SMC6: variants seen among roughly 807,000 people sequenced by gnomAD.
The protein encoded by SMC6 is structural maintenance of chromosomes 6, also known as structural maintenance of chromosomes protein 6.
A neutral mutation model predicts 142.2 loss-of-function variants in SMC6; 79 were observed. That is an observed-to-expected ratio of 0.56 (90% confidence interval 0.46 to 0.67). The LOEUF (loss-of-function observed/expected upper bound fraction) is 0.67. Ranked by LOEUF, SMC6 falls within the 30% of genes least tolerant of loss-of-function variation. The probability of loss-of-function intolerance (pLI) is 0.00; values close to 1 mark genes in which losing one functional copy is unlikely to be tolerated. For synonymous variants in SMC6, 411 were observed against 412.4 expected (o/e 1.00, Z 0.04); for missense variants, 1,072 against 1,284.0 (o/e 0.83, Z 2.52).
At chr2:17,671,542 G>C (rs1381426032) in intron 25 of SMC6, among the ~76,000 whole-genome samples, 2 of 140,644 alleles carry the variant, frequency 1.4e-5, no homozygotes, top group African/African-American at 5.3e-5. Flanking sequence ...CTGGGAGACA[G>C]AGGTTGCAGT....
intron 18 of SMC6, among the ~76,000 whole-genome samples, chr2:17,704,332 G>A (rs1668404413): frequency 6.6e-6 from 1 of 152,190 alleles, no homozygotes; most frequent in South Asian, 2.1e-4. Flanking sequence ...ACTTCTGTTG[G>A]TGAATAAACG....
At chr2:17,675,778 G>T (rs1170602642) in intron 25 of SMC6, among the ~76,000 whole-genome samples, 1 of 151,892 alleles carries the variant, frequency 6.6e-6, no homozygotes, top group African/African-American at 2.4e-5. Flanking sequence ...CTTACAAAAA[G>T]GTAAGGTTAC....
At chr2:17,682,895 T>A (rs931211203) in intron 24 of SMC6, among the ~76,000 whole-genome samples, 1 of 146,474 alleles carries the variant, frequency 6.8e-6, no homozygotes, top group Non-Finnish European at 1.5e-5. Context: ...TTTTTTTTTT[T>A]AATTTGTACA....
chr2:17,684,232 G>C (rs1471343616), intron 23 of SMC6, among the ~76,000 whole-genome samples: 1 of 152,162 alleles, frequency 6.6e-6, no homozygotes, highest in Non-Finnish European at 1.5e-5. Flanking sequence ...GCTACTCAGA[G>C]TGCTATTACA....
intron 7 of SMC6, among the ~76,000 whole-genome samples, chr2:17,727,721 A>G (rs73921058): frequency 0.013 from 1,908 of 152,298 alleles, 21 homozygotes; most frequent in East Asian, 0.031. Flanking sequence ...AATCTTCATA[A>G]GGTTATTGTA....
intron 25 of SMC6, among the ~76,000 whole-genome samples, chr2:17,673,447 T>C (rs1347771658): frequency 6.6e-6 from 1 of 152,110 alleles, no homozygotes; most frequent in Non-Finnish European, 1.5e-5. Flanking sequence ...CATGAAGACA[T>C]TCTCTTCCTC....
chr2:17,667,648 G>C (rs1473249488), intron 26 of SMC6, among the ~76,000 whole-genome samples: 1 of 152,138 alleles, frequency 6.6e-6, no homozygotes, highest in African/African-American at 2.4e-5. Context: ...CCAGGAGCTC[G>C]AGATCAGCCT....
chr2:17,701,001 A>G (rs938356010), intron 20 of SMC6, among the ~76,000 whole-genome samples: 2 of 151,052 alleles, frequency 1.3e-5, no homozygotes, highest in African/African-American at 2.4e-5. Context: ...ACTGCACTTC[A>G]GCCTGGGCAA....
intron 12 of SMC6, among the ~76,000 whole-genome samples, chr2:17,717,850 T>C (rs1669173764): frequency 6.6e-6 from 1 of 151,710 alleles, no homozygotes; most frequent in Non-Finnish European, 1.5e-5. Flanking sequence ...CCAGCTGTGG[T>C]GACAGATGTC....
chr2:17,726,480 C>G lies in SMC6; in HGVS notation c.544-11G>C, dbSNP rs373338773. ...AACTGGATTATCCACCTCAAACAAACAAAAAGTCATTTTTGAATATTTTAC... is the reference window on the plus strand; with the variant it reads ...AACTGGATTATCCACCTCAAACAAAGAAAAAGTCATTTTTGAATATTTTAC... On this transcript the variant is annotated splice_polypyrimidine_tract_variant and intron_variant, in intron 7 of 27. Transcript: ENST00000448223. 53 of 1,601,420 alleles carry G rather than the reference C, an allele frequency of 3.3e-5. No individual in the cohort carries two copies. The highest frequency in any genetic ancestry group is 8.6e-5 in the Admixed American group (5 of 57,916).
At chr2:17,745,268 C>G (rs1052536848) in intron 3 of SMC6, among the ~76,000 whole-genome samples, 1 of 150,580 alleles carries the variant, frequency 6.6e-6, no homozygotes, top group Admixed American at 6.6e-5. Context: ...TGTGTAGATT[C>G]ATGTTAATTC....
chr2:17,736,342 ATTTG>A (rs1251010597), intron 5 of SMC6, among the ~76,000 whole-genome samples: 1 of 152,198 alleles, frequency 6.6e-6, no homozygotes, highest in African/African-American at 2.4e-5. Context: ...GAAGTCGGTG[ATTTG>A]TTTAAGCTAG....
intron 26 of SMC6, among the ~76,000 whole-genome samples, chr2:17,667,745 G>C (rs1666566509): frequency 6.6e-6 from 1 of 152,138 alleles, no homozygotes; most frequent in South Asian, 2.1e-4. Context: ...AGCTACTCAG[G>C]TGGCTGAGTC....
intron 3 of SMC6, among the ~76,000 whole-genome samples, chr2:17,742,991 G>A (rs1441305059): frequency 6.6e-6 from 1 of 152,066 alleles, no homozygotes; most frequent in African/African-American, 2.4e-5. Flanking sequence ...TATTAACTTT[G>A]CACTTTCTAA....
At position 17,671,911 on chromosome 2, in the gene SMC6, C is replaced by A. The variant is rs576837757; in HGVS notation, c.2911-1336G>T. Among the ~76,000 whole-genome samples, 6 of 152,160 alleles carry A rather than the reference C, an allele frequency of 3.9e-5. No homozygotes were observed. The South Asian group carries it at 1.2e-3, about 31-fold the overall frequency. Reference sequence around the variant, plus strand: ...GTGAAAAAAGAGCAACAACTAGTTTCATATCAATAGCAGACATATAGCTTC... The same window carrying A: ...GTGAAAAAAGAGCAACAACTAGTTTAATATCAATAGCAGACATATAGCTTC... On this transcript the variant is annotated intron_variant, in intron 25 of 27. Coordinates refer to ENST00000448223, the MANE Select transcript of SMC6 (RefSeq NM_001142286.2).
intron 9 of SMC6, among the ~76,000 whole-genome samples, chr2:17,722,320 T>C (rs1227003592): frequency 6.6e-6 from 1 of 152,158 alleles, no homozygotes; most frequent in Non-Finnish European, 1.5e-5. Flanking sequence ...ATCCTCTACC[T>C]ATATCTTGGA....
At chr2:17,681,211 T>C (rs1471293500) in intron 24 of SMC6, 1 of 152,298 alleles carries the variant, frequency 6.6e-6, no homozygotes, top group East Asian at 1.9e-4. Flanking sequence ...CTTCATCGAA[T>C]TGGAGAGTTA....
In SMC6 at chr2:17,683,645, A is replaced by G. The variant is rs1203309643; in HGVS notation, c.2797T>C (p.Phe933Leu). Residue 933 changes from phenylalanine (F) to leucine (L), a missense_variant, in exon 24 of 28, where the codon TTT becomes CTT. Around this residue, in one of 3 missense-constraint regions of SMC6, gnomAD observed 994 missense variants for 1,153.2 expected, o/e 0.86. Transcript: ENST00000448223. Reference sequence around the variant, plus strand: ...ATTTTTCAATGTACTTACCTTCTAAATTGTTGATATGTCTTGAATCTGTGC... The same window carrying G: ...ATTTTTCAATGTACTTACCTTCTAAGTTGTTGATATGTCTTGAATCTGTGC... ...MEHRFKTYQQ[F>L]RRCLTLRCKL... The G allele has an allele frequency of 6.2e-7, 1 of 1,608,974 alleles. No individual in the cohort carries two copies. The highest frequency in any genetic ancestry group is 2.2e-5 in the East Asian group (1 of 44,766).
chr2:17,711,939 T>C (rs1346451102), intron 16 of SMC6, among the ~76,000 whole-genome samples: 1 of 152,172 alleles, frequency 6.6e-6, no homozygotes, highest in African/African-American at 2.4e-5. Context: ...GTATTTTTAA[T>C]TTCTCCAAAT....
Sources: gnomAD v4.1 joint callset for allele counts (sites outside exome capture counted in the v4.1 genomes callset) on GRCh38, gnomAD v4.1.1 for gene constraint, gnomAD v4.1.1 regional missense constraint, MANE v1.5 for transcripts, NCBI Gene and HGNC (gene_info 2026-07-23, HGNC 2026-07-21) for gene names.